Variants in PLEKHG7 observed in about 807,000 individuals in gnomAD.
PLEKHG7 encodes the protein pleckstrin homology and RhoGEF domain containing G7.
PLEKHG7 carries 77 observed loss-of-function variants against 85.2 expected under a neutral mutation model. The observed-to-expected ratio is 0.90, with a 90% CI of 0.75 to 1.09. The LOEUF is 1.09. Among genes scored for constraint, PLEKHG7 ranks in the 50% least tolerant of loss-of-function variants. PLEKHG7 has a pLI of 0.00. For missense variants in PLEKHG7, 777 were observed against 804.3 expected (o/e 0.97, Z 0.41); for synonymous variants, 301 against 302.4 (o/e 1.00, Z 0.05).
In PLEKHG7 at chr12:92,706,974, G is replaced by A. The variant is rs745439132; in HGVS notation, c.343G>A (p.Ala115Thr). 3.5e-5 allele frequency: 56 copies of A among 1,613,958 alleles called. No homozygotes were observed. Among genetic ancestry groups the A allele is most frequent in the Non-Finnish European group, 4.6e-5 (54 of 1,180,028 alleles). ...AAGATTGACCTCTGAACCTGAAAGG[G>A]CCCTGAATGCAGCTGACTCACTGGA... ...HSRLTSEPER[A>T]LNAADSLEPQ... The change falls in exon 2 of 17, where the codon GCC becomes ACC. Residue 115 changes from alanine to threonine, a missense_variant. By Grantham distance (58) the Ala-to-Thr change is moderately conservative. This residue lies in a region of PLEKHG7 where 252 missense variants were observed against 241.9 expected (regional missense o/e 1.04). Coordinates refer to ENST00000344636, the MANE Select transcript of PLEKHG7 (RefSeq NM_001377329.1).
rs541480751 is a variant in PLEKHG7, at chr12:92,706,891, G to A, written c.260G>A (p.Ser87Asn). The change falls in exon 2 of 17, where the codon AGC (serine) becomes AAC (asparagine). Residue 87 changes from serine to asparagine, a missense_variant. Transcript: ENST00000344636. ...PVGFPCYLSK[S>N]LPGSPKDSSH... ...GGCTTCCCATGTTACCTTTCGAAGA[G>A]CCTGCCAGGAAGCCCAAAGGATTCT... 1.1e-5 allele frequency: 18 copies of A among 1,613,946 alleles called. No individual in the cohort carries two copies. The highest frequency in any genetic ancestry group is 5.5e-5 in the South Asian group (5 of 91,092).
At chr12:92,721,669 G>T in intron 3 of PLEKHG7, 1 of 133,386 alleles carries the variant, frequency 7.5e-6, no homozygotes, top group Non-Finnish European at 1.2e-5. Context: ...AGCTTGTCCT[G>T]AAGCAAAGAA....
At chr12:92,724,515 T>TCC (rs1770651875) in intron 3 of PLEKHG7, among the ~76,000 whole-genome samples, 1 of 152,132 alleles carries the variant, frequency 6.6e-6, no homozygotes, top group Non-Finnish European at 1.5e-5. Flanking sequence ...TCAGTAAGGA[T>TCC]AGCATTTGCC....
At chr12:92,755,766 A>C (rs960712595) in intron 11 of PLEKHG7, 59 bp from the exon 12 acceptor site, 1 of 1,163,164 alleles carries the variant, frequency 8.6e-7, no homozygotes, top group African/African-American at 1.6e-5. Flanking sequence ...CCTTGGTTAA[A>C]ATTTATACTG....
At chr12:92,707,497 G>T in intron 2 of PLEKHG7, 153 bp from the exon 3 acceptor site, 1 of 1,461,830 alleles carries the variant, frequency 6.8e-7, no homozygotes, top group South Asian at 1.5e-5. Context: ...TAAAAGGGGA[G>T]AAAGAGCCAG....
At chr12:92,766,901 CT>C (rs1382957921) in intron 15 of PLEKHG7, among the ~76,000 whole-genome samples, 20 of 152,136 alleles carry the variant, frequency 1.3e-4, no homozygotes, top group African/African-American at 4.8e-4. Flanking sequence ...TCTCTTGTTC[CT>C]TTTAAAAATA....
intron 7 of PLEKHG7, among the ~76,000 whole-genome samples, chr12:92,740,568 TAGAAGTAGAGGAA>T (rs1204507050): frequency 6.6e-6 from 1 of 152,216 alleles, no homozygotes. Flanking sequence ...TCTTTGGCAC[TAGAAGTAGAGGAA>T]GCCCATTTGG....
At chr12:92,745,680 G>A in intron 10 of PLEKHG7, 89 bp downstream of exon 10, 2 of 858,000 alleles carry the variant, frequency 2.3e-6, no homozygotes, top group Non-Finnish European at 3.8e-6. Context: ...AAATTAAATG[G>A]GAAAGAAGAA....
intron 3 of PLEKHG7, among the ~76,000 whole-genome samples, chr12:92,720,705 T>C (rs1871614799): frequency 6.6e-6 from 1 of 152,176 alleles, no homozygotes; most frequent in Non-Finnish European, 1.5e-5. Context: ...CATCTCTAGA[T>C]CATTAATTTA....
intron 4 of PLEKHG7, among the ~76,000 whole-genome samples, chr12:92,730,583 A>G (rs907284373): frequency 6.6e-6 from 1 of 152,100 alleles, no homozygotes; most frequent in Non-Finnish European, 1.5e-5. Flanking sequence ...ACGCCTGGCT[A>G]ATTTTTTTGT....
At chr12:92,763,331 A>T (rs1873090707) in intron 14 of PLEKHG7, among the ~76,000 whole-genome samples, 1 of 152,234 alleles carries the variant, frequency 6.6e-6, no homozygotes, top group African/African-American at 2.4e-5. Flanking sequence ...ATCTATTAAG[A>T]ATTCAGTATT....
intron 14 of PLEKHG7, among the ~76,000 whole-genome samples, chr12:92,763,151 C>T (rs962697368): frequency 3.3e-5 from 5 of 152,154 alleles, no homozygotes; most frequent in African/African-American, 9.7e-5. Context: ...TTATGCATCA[C>T]AAGTTGATTC....
chr12:92,762,659 C>T (rs896272505), intron 14 of PLEKHG7, among the ~76,000 whole-genome samples: 1 of 152,150 alleles, frequency 6.6e-6, no homozygotes, highest in Non-Finnish European at 1.5e-5. Flanking sequence ...CTCCCAGACA[C>T]CTGCTCTAAG....
At position 92,755,879 on chromosome 12, in the gene PLEKHG7, T is replaced by C; in HGVS notation, c.1481T>C (p.Leu494Pro). The C allele has an allele frequency of 6.2e-7, 1 of 1,613,806 alleles. No homozygotes were observed. The highest frequency in any genetic ancestry group is 8.5e-7 in the Non-Finnish European group (1 of 1,179,858). The change falls in exon 12 of 17, where the codon CTA becomes CCA. Residue 494 changes from leucine to proline, a missense_variant. Coordinates refer to ENST00000344636, the MANE Select transcript of PLEKHG7 (RefSeq NM_001377329.1). ...WLDNFQKFRY[L>P]QEIIVWPPLW... is the part of the protein sequence containing the mutation. ...GACAATTTCCAAAAATTTAGATATC[T>C]ACAGGAGATTATAGTGTGGCCACCG...
chr12:92,771,559 G>A lies in PLEKHG7; in HGVS notation c.*1364G>A, dbSNP rs1328361187. 6.6e-6 allele frequency: 1 copy of A among 151,978 alleles called. No individual in the cohort carries two copies. Among genetic ancestry groups the A allele is most frequent in the Non-Finnish European group, 1.5e-5 (1 of 67,916 alleles). The allele number at this position is 151,978 out of a possible 1,614,324, so 9.4% of individuals were successfully genotyped here. On this transcript the variant is annotated 3_prime_UTR_variant, in exon 17 of 17. Coordinates refer to ENST00000344636, the MANE Select transcript of PLEKHG7 (RefSeq NM_001377329.1). ...ATAAATGAGGTGGAGGGGAGAAAAA[G>A]GGGAGAATAGACTTCAAGCTTCAAG...
chr12:92,731,437 T>G (rs891944520), intron 4 of PLEKHG7, among the ~76,000 whole-genome samples: 5 of 152,196 alleles, frequency 3.3e-5, no homozygotes, highest in Non-Finnish European at 7.3e-5. Flanking sequence ...CACACTCTCC[T>G]GGGGGATCTG....
intron 13 of PLEKHG7, among the ~76,000 whole-genome samples, chr12:92,759,164 C>G (rs1049618123): frequency 1.3e-5 from 2 of 152,162 alleles, no homozygotes; most frequent in Non-Finnish European, 2.9e-5. Context: ...AGAAGGTACA[C>G]ATTTTCATAA....
intron 3 of PLEKHG7, among the ~76,000 whole-genome samples, chr12:92,713,917 A>G (rs1009572996): frequency 6.6e-5 from 10 of 152,172 alleles, no homozygotes; most frequent in Admixed American, 3.3e-4. Context: ...GTGGGCCCAA[A>G]TCAATAAATT....
At chr12:92,730,737 A>G (rs1379694986) in intron 4 of PLEKHG7, among the ~76,000 whole-genome samples, 2 of 152,240 alleles carry the variant, frequency 1.3e-5, no homozygotes, top group African/African-American at 2.4e-5. Context: ...TTTTTTAACA[A>G]GTTCTGCAGG....
Sources: gnomAD v4.1 joint callset for allele counts (sites outside exome capture counted in the v4.1 genomes callset) on GRCh38, gnomAD v4.1.1 for gene constraint, gnomAD v4.1.1 regional missense constraint, MANE v1.5 for transcripts, NCBI Gene and HGNC (gene_info 2026-07-23, HGNC 2026-07-21) for gene names.